Variants in EGFLAM observed in about 807,000 individuals in gnomAD.
The protein encoded by EGFLAM is EGF like, fibronectin type III and laminin G domains.
In EGFLAM, 79 loss-of-function variants were observed where a neutral mutation model predicts 113.1. The observed-to-expected ratio is 0.70, with a 90% confidence interval of 0.58 to 0.84. EGFLAM has a LOEUF of 0.84. Ranked by LOEUF, EGFLAM falls within the 40% of genes least tolerant of loss-of-function variation. The probability of loss-of-function intolerance (pLI) is 0.00; values close to 1 mark genes in which losing one functional copy is unlikely to be tolerated. For synonymous variants in EGFLAM, 504 were observed against 487.6 expected (o/e 1.03, Z -0.44); for missense variants, 1,265 against 1,291.6 (o/e 0.98, Z 0.32).
At chr5:38,267,425 A>ATATC (rs1554044048) in intron 1 of EGFLAM, among the ~76,000 whole-genome samples, 1 of 152,216 alleles carries the variant, frequency 6.6e-6, no homozygotes, top group Non-Finnish European at 1.5e-5. Flanking sequence ...CCACAGACAG[A>ATATC]TGGCTAATTT....
intron 1 of EGFLAM, among the ~76,000 whole-genome samples, chr5:38,260,127 A>C (rs182810414): frequency 1.3e-5 from 2 of 152,200 alleles, no homozygotes; most frequent in African/African-American, 4.8e-5. Context: ...GCTTCAGTCC[A>C]AGGTAATATC....
At chr5:38,326,486 A>G (rs2589824) in intron 1 of EGFLAM, among the ~76,000 whole-genome samples, 56,928 of 150,836 alleles carry the variant, frequency 0.38, 14,452 homozygotes, top group African/African-American at 0.72. Flanking sequence ...CCTTCGTTTT[A>G]CTGTGTCTGT....
intron 12 of EGFLAM, among the ~76,000 whole-genome samples, 153 bp downstream of exon 12, chr5:38,418,408 G>C (rs768425389): frequency 2.6e-5 from 4 of 152,180 alleles, no homozygotes; most frequent in Non-Finnish European, 4.4e-5. Context: ...TGGGCCTCAG[G>C]GGTGAGGCTG....
chr5:38,438,455 G>C lies in EGFLAM; in HGVS notation c.2464G>C (p.Ala822Pro), dbSNP rs1472266782. Reference protein sequence around the residue: ...LGFEGLHCQKAIIEAIEIPQF... With the variant: ...LGFEGLHCQKPIIEAIEIPQF... Reference sequence around the variant, plus strand: ...CTTTGAGGGGCTTCACTGCCAGAAAGGTACGCTCAGGGGTCTGAGGCACAG... The same window carrying C: ...CTTTGAGGGGCTTCACTGCCAGAAACGTACGCTCAGGGGTCTGAGGCACAG... Residue 822 changes from alanine to proline, a missense_variant and splice_region_variant, in exon 17 of 22, where the codon GCG (alanine) becomes CCG (proline). Ala to Pro is a conservative substitution (Grantham distance 27). Transcript: ENST00000322350. The C allele has an allele frequency of 6.2e-7, 1 of 1,605,154 alleles. No homozygotes were observed. Among genetic ancestry groups the C allele is most frequent in the Non-Finnish European group, 8.5e-7 (1 of 1,174,352 alleles).
At chr5:38,319,143 T>G (rs1463219403) in intron 1 of EGFLAM, among the ~76,000 whole-genome samples, 1 of 152,098 alleles carries the variant, frequency 6.6e-6, no homozygotes, top group African/African-American at 2.4e-5. Context: ...CAGTGCCCTG[T>G]CTCCTTCAGC....
chr5:38,452,711 AG>A (rs1265375278), intron 19 of EGFLAM, among the ~76,000 whole-genome samples: 106 of 152,218 alleles, frequency 7.0e-4, no homozygotes, highest in African/African-American at 2.5e-3. Context: ...CTGCTGCCAG[AG>A]GAACAAAGCA....
At chr5:38,453,289 A>T (rs1742980502) in intron 19 of EGFLAM, among the ~76,000 whole-genome samples, 1 of 152,194 alleles carries the variant, frequency 6.6e-6, no homozygotes, top group East Asian at 1.9e-4. Context: ...TTGCTAAATG[A>T]TATGAAAGTA....
chr5:38,448,307 T>C lies in EGFLAM; in HGVS notation c.2471T>C (p.Ile824Thr). 6.2e-7 allele frequency: 1 copy of C among 1,614,188 alleles called. No homozygotes were observed. The highest frequency in any genetic ancestry group is 1.1e-5 in the South Asian group (1 of 91,086). The change falls in exon 18 of 22, where the codon ATA (isoleucine) becomes ACA (threonine). Residue 824 changes from isoleucine (I) to threonine (T), a missense_variant. By Grantham distance (89) the Ile-to-Thr change is moderately conservative. Transcript: ENST00000322350. ...FEGLHCQKAI[I>T]EAIEIPQFIG... Reference sequence around the variant, plus strand: ...TTTTTCTGTTCTGTCCCAGCGATCATAGAAGCCATTGAGATCCCGCAGTTT... The same window carrying C: ...TTTTTCTGTTCTGTCCCAGCGATCACAGAAGCCATTGAGATCCCGCAGTTT...
chr5:38,269,014 T>C (rs1480159415), intron 1 of EGFLAM, among the ~76,000 whole-genome samples: 1 of 151,990 alleles, frequency 6.6e-6, no homozygotes, highest in Non-Finnish European at 1.5e-5. Context: ...GCATCTCTAC[T>C]AAAATACAAA....
intron 20 of EGFLAM, chr5:38,461,413 GATTATAAGGT>G (rs1743267623): frequency 6.6e-6 from 1 of 152,108 alleles, no homozygotes; most frequent in Non-Finnish European, 1.5e-5. Flanking sequence ...AGATGCCATT[GATTATAAGGT>G]ATATCTTCAT....
chr5:38,372,320 T>C (rs1314433454), intron 6 of EGFLAM, among the ~76,000 whole-genome samples: 1 of 152,106 alleles, frequency 6.6e-6, no homozygotes, highest in Non-Finnish European at 1.5e-5. Context: ...TTTTTGTATT[T>C]TTAGTAGAGA....
chr5:38,274,568 G>GA (rs139985912), intron 1 of EGFLAM, among the ~76,000 whole-genome samples: 14,234 of 152,048 alleles, frequency 0.094, 823 homozygotes, highest in Admixed American at 0.17. Context: ...TTTTGAAGGA[G>GA]AAAAAACTGC....
At chr5:38,445,472 G>T (rs1742675821) in intron 17 of EGFLAM, 2 of 1,434,678 alleles carry the variant, frequency 1.4e-6, no homozygotes, top group Non-Finnish European at 1.8e-6. Context: ...GGGTGGCTGG[G>T]TGCCAATCAT....
chr5:38,305,772 G>A (rs1013178902), intron 1 of EGFLAM, among the ~76,000 whole-genome samples: 1 of 152,336 alleles, frequency 6.6e-6, no homozygotes, highest in African/African-American at 2.4e-5. Context: ...GAACACTGGA[G>A]TGAATTTATT....
chr5:38,287,721 AG>A (rs1354987531), intron 1 of EGFLAM, among the ~76,000 whole-genome samples: 1 of 152,232 alleles, frequency 6.6e-6, no homozygotes, highest in East Asian at 1.9e-4. Flanking sequence ...GGCATCATCT[AG>A]TTGGAATGAA....
intron 13 of EGFLAM, 78 bp downstream of exon 13, chr5:38,425,170 T>C: frequency 6.5e-7 from 1 of 1,531,750 alleles, no homozygotes; most frequent in Non-Finnish European, 8.8e-7. Context: ...CAATATAGTT[T>C]CTTTGTTAAT....
chr5:38,399,622 G>A (rs931787156), intron 6 of EGFLAM, among the ~76,000 whole-genome samples: 2 of 152,050 alleles, frequency 1.3e-5, no homozygotes, highest in Non-Finnish European at 2.9e-5. Context: ...CAGAAATGTG[G>A]ACCTACTGCT....
chr5:38,340,459 AT>A (rs1739306195), intron 3 of EGFLAM, among the ~76,000 whole-genome samples: 1 of 152,300 alleles, frequency 6.6e-6, no homozygotes, highest in Admixed American at 6.5e-5. Flanking sequence ...CATCTTGCCA[AT>A]TTTGACAAAC....
At chr5:38,331,795 T>A (rs1390496682) in intron 1 of EGFLAM, among the ~76,000 whole-genome samples, 1 of 152,210 alleles carries the variant, frequency 6.6e-6, no homozygotes, top group East Asian at 1.9e-4. Flanking sequence ...CTCTGTTGTC[T>A]GGAAGTACCA....
Sources: allele counts gnomAD v4.1 joint callset (sites outside exome capture counted in the v4.1 genomes callset), GRCh38; gene constraint gnomAD v4.1.1; transcripts MANE v1.5; gene names NCBI Gene and HGNC (gene_info 2026-07-23, HGNC 2026-07-21).